Variants in TENM2 observed in about 807,000 individuals in gnomAD.
TENM2 encodes the protein teneurin-2.
A neutral mutation model predicts 245.2 loss-of-function variants in TENM2; 52 were observed. The ratio of observed to expected loss-of-function variants is 0.21; its 90% CI spans 0.17 to 0.27. TENM2 has a LOEUF of 0.27. TENM2 is among the 10% of genes least tolerant of loss of function. The probability of loss-of-function intolerance (pLI) is 1.00; values close to 1 mark genes in which losing one functional copy is unlikely to be tolerated. For synonymous variants in TENM2, 1,363 were observed against 1,438.9 expected (o/e 0.95, Z 1.19); for missense variants, 3,046 against 3,666.8 (o/e 0.83, Z 4.37).
At chr5:167,826,647 AATTG>A (rs1235042977) in intron 2 of TENM2, among the ~76,000 whole-genome samples, 1 of 152,228 alleles carries the variant, frequency 6.6e-6, no homozygotes, top group African/African-American at 2.4e-5. Flanking sequence ...TTGATTAATT[AATTG>A]ATTGATTAAG....
At chr5:167,086,477 G>A in the TENM2 span, among the ~76,000 whole-genome samples, 1 of 152,030 alleles carries the variant, frequency 6.6e-6, no homozygotes, top group Non-Finnish European at 1.5e-5. Context: ...ACCTTTCTTT[G>A]TATCTTCGTA....
intron 2 of TENM2, among the ~76,000 whole-genome samples, chr5:167,618,856 C>T (rs1245477109): frequency 2.0e-5 from 3 of 152,066 alleles, no homozygotes; most frequent in Admixed American, 6.6e-5. Context: ...TCCCTCTCCC[C>T]GCAAAAAGAG....
the TENM2 span, among the ~76,000 whole-genome samples, chr5:167,007,117 A>C: frequency 3.3e-5 from 5 of 152,210 alleles, no homozygotes; most frequent in Non-Finnish European, 7.3e-5. The surrounding 1 kb of genome is among the most constrained non-coding windows in gnomAD (Gnocchi z 4.2). Context: ...GATTGCTTCT[A>C]ATTTTATAAA....
At chr5:167,180,404 C>T in the TENM2 span, among the ~76,000 whole-genome samples, 1 of 152,134 alleles carries the variant, frequency 6.6e-6, no homozygotes, top group South Asian at 2.1e-4. Flanking sequence ...ATCCTTTTCT[C>T]TCCCTACTTT....
the TENM2 span, among the ~76,000 whole-genome samples, chr5:167,031,943 G>A: frequency 6.6e-6 from 1 of 152,036 alleles, no homozygotes; most frequent in Admixed American, 6.6e-5. Context: ...TCATTTCATA[G>A]GTTGAGGCTC....
At chr5:167,200,682 G>A in the TENM2 span, among the ~76,000 whole-genome samples, 71 of 152,204 alleles carry the variant, frequency 4.7e-4, no homozygotes, top group Admixed American at 1.4e-3. Flanking sequence ...GATGAGAACC[G>A]TGGCATGAGA....
At chr5:167,266,907 G>T in the TENM2 span, among the ~76,000 whole-genome samples, 1 of 152,158 alleles carries the variant, frequency 6.6e-6, no homozygotes, top group Non-Finnish European at 1.5e-5. Flanking sequence ...CAACCCACCT[G>T]CAATATCTTC....
At position 167,693,882 on chromosome 5, in the gene TENM2, C is replaced by T. The variant is rs574752596; in HGVS notation, c.503-182104C>T. On this transcript the variant is annotated intron_variant, in intron 2 of 28. Transcript: ENST00000518659. ...TGAAGGCTAATTACTTGGAATATTC[C>T]TTACTGGGTATAAGTGTTCCCCAAA... is the stretch of plus-strand genomic sequence containing the variant. 5.9e-5 allele frequency among the ~76,000 whole-genome samples: 9 copies of T among 152,292 alleles called. No homozygotes were observed. In the East Asian group the frequency reaches 1.7e-3, roughly 29 times the overall value.
intron 2 of TENM2, among the ~76,000 whole-genome samples, chr5:167,640,842 CATATATATATATATATCCATATATAT>C (rs1237826675): frequency 4.5e-4 from 34 of 75,490 alleles, no homozygotes; most frequent in Non-Finnish European, 9.1e-4. Context: ...TATATATATC[CATATATATATATATATCCATATATAT>C]ATATATATAT....
intron 6 of TENM2, among the ~76,000 whole-genome samples, chr5:168,059,125 G>A (rs1462672710): frequency 6.6e-6 from 1 of 152,196 alleles, no homozygotes; most frequent in East Asian, 1.9e-4. Context: ...GAAGTAGCCT[G>A]TGCTGGCTGG....
intron 2 of TENM2, among the ~76,000 whole-genome samples, chr5:167,785,345 A>G (rs780507604): frequency 2.0e-5 from 3 of 152,190 alleles, no homozygotes; most frequent in Non-Finnish European, 4.4e-5. Flanking sequence ...AAGCTGTTTT[A>G]AGGAAGTTTC....
At chr5:167,097,102 G>T in the TENM2 span, among the ~76,000 whole-genome samples, 3 of 151,984 alleles carry the variant, frequency 2.0e-5, no homozygotes, top group Non-Finnish European at 2.9e-5. Flanking sequence ...TTCTTTCCCC[G>T]CCCGAGAGAG....
intron 2 of TENM2, among the ~76,000 whole-genome samples, chr5:167,543,515 C>G (rs1156581289): frequency 2.6e-5 from 4 of 152,152 alleles, no homozygotes; most frequent in Non-Finnish European, 4.4e-5. Context: ...TTTATTCTCA[C>G]CAAGATTCCC....
intron 4 of TENM2, among the ~76,000 whole-genome samples, chr5:167,953,687 C>T (rs1046430165): frequency 5.3e-5 from 8 of 152,174 alleles, no homozygotes; most frequent in African/African-American, 1.9e-4. Context: ...GGAGACGGAA[C>T]AGAGAGGAGG....
At chr5:167,772,184 A>T (rs1397336960) in intron 2 of TENM2, among the ~76,000 whole-genome samples, 1 of 152,200 alleles carries the variant, frequency 6.6e-6, no homozygotes, top group Non-Finnish European at 1.5e-5. Flanking sequence ...TTATAAATTA[A>T]TATGTGTTCC....
chr5:168,179,901 C>G lies in TENM2; in HGVS notation c.2570-10436C>G, dbSNP rs372922314. Among the ~76,000 whole-genome samples the G allele has an allele frequency of 1.6e-4, 25 of 152,338 alleles. No individual in the cohort carries two copies. In the East Asian group the frequency reaches 2.3e-3, roughly 14 times the overall value. ...CTCCTGAGCACCAACCATTGGTTCTCATTAGACATGGTTGCCATTAATGTT... is the reference window on the plus strand; with the variant it reads ...CTCCTGAGCACCAACCATTGGTTCTGATTAGACATGGTTGCCATTAATGTT... On this transcript the variant is annotated intron_variant, in intron 13 of 28. Transcript: ENST00000518659.
At chr5:167,115,392 C>T in the TENM2 span, among the ~76,000 whole-genome samples, 3 of 152,308 alleles carry the variant, frequency 2.0e-5, no homozygotes, top group East Asian at 1.9e-4. Context: ...ATTCTTGATA[C>T]GAAGGGCTGC....
chr5:167,618,793 G>A (rs1054468298), intron 2 of TENM2, among the ~76,000 whole-genome samples: 2 of 151,940 alleles, frequency 1.3e-5, no homozygotes, highest in East Asian at 1.9e-4. Context: ...ATCTGTCACC[G>A]ATGTTCATTT....
intron 3 of TENM2, among the ~76,000 whole-genome samples, chr5:167,946,522 T>C (rs1273732621): frequency 6.6e-6 from 1 of 152,174 alleles, no homozygotes; most frequent in Non-Finnish European, 1.5e-5. Flanking sequence ...TTCCCTCCAG[T>C]TTCTCACAAG....
Sources: gnomAD v4.1 joint callset for allele counts (sites outside exome capture counted in the v4.1 genomes callset) on GRCh38, gnomAD v4.1.1 for gene constraint, Gnocchi (gnomAD v3.1) non-coding constraint, MANE v1.5 for transcripts, NCBI Gene and HGNC (gene_info 2026-07-23, HGNC 2026-07-21) for gene names.